Variants in KIAA1549L observed in about 807,000 individuals in gnomAD.
KIAA1549L encodes UPF0606 protein KIAA1549L.
A neutral mutation model predicts 160.7 loss-of-function variants in KIAA1549L; 88 were observed. That is an observed-to-expected ratio of 0.55 (90% confidence interval 0.46 to 0.65). The LOEUF is 0.65. KIAA1549L is among the 30% of genes least tolerant of loss of function. The pLI is 0.00. For synonymous variants in KIAA1549L, 950 were observed against 976.7 expected, an observed-to-expected ratio of 0.97 and a Z score of 0.51; for missense variants, 2,258 against 2,437.5, an observed-to-expected ratio of 0.93 and a Z score of 1.55.
intron 1 of KIAA1549L, among the ~76,000 whole-genome samples, chr11:33,431,419 G>GA (rs142078215): frequency 0.2 from 29,732 of 151,936 alleles, 3,158 homozygotes; most frequent in East Asian, 0.32. Flanking sequence ...CCCTGAGCTA[G>GA]ACACAAAGGT....
At chr11:33,558,553 G>C in intron 6 of KIAA1549L, among the ~76,000 whole-genome samples, 1 of 152,108 alleles carries the variant, frequency 6.6e-6, no homozygotes, top group East Asian at 1.9e-4. Flanking sequence ...GAGGGAGAAG[G>C]GAAGGCACGC....
chr11:33,554,597 C>T (rs1854583505), intron 6 of KIAA1549L, among the ~76,000 whole-genome samples: 1 of 152,322 alleles, frequency 6.6e-6, no homozygotes, highest in South Asian at 2.1e-4. Context: ...CCTTGTTGCT[C>T]ACAGTCTTGT....
intron 16 of KIAA1549L, among the ~76,000 whole-genome samples, chr11:33,627,979 T>C (rs920248908): frequency 1.2e-4 from 18 of 152,088 alleles, no homozygotes; most frequent in African/African-American, 4.3e-4. Flanking sequence ...GATTCTGGTA[T>C]GTTGTGTCTT....
intron 1 of KIAA1549L, among the ~76,000 whole-genome samples, chr11:33,441,235 A>G (rs911922634): frequency 5.3e-5 from 8 of 151,950 alleles, no homozygotes; most frequent in Non-Finnish European, 1.0e-4. Context: ...CCATGTCCCT[A>G]CAAAGGACAT....
intron 1 of KIAA1549L, among the ~76,000 whole-genome samples, chr11:33,422,274 A>C (rs1851028692): frequency 6.6e-6 from 1 of 152,204 alleles, no homozygotes; most frequent in Non-Finnish European, 1.5e-5. Context: ...TCCAAGGCAC[A>C]CATGTGATAA....
Position 33,618,646 on chromosome 11 carries a change from G to A in KIAA1549L, c.5393G>A (p.Arg1798His), listed in dbSNP as rs766396904. Residue 1798 changes from arginine to histidine, a missense_variant, in exon 16 of 21, where the codon CGC becomes CAC. By Grantham distance (29) the Arg-to-His change is conservative. Around this residue, in one of 6 missense-constraint regions of KIAA1549L, gnomAD observed 1,359 missense variants for 1,546.6 expected, o/e 0.88. Transcript: ENST00000658780. The stretch of plus-strand genomic sequence containing the variant: ...CGGGAGCGACCCCGGCGTGGAATCC[G>A]CAACAGCGGATACGATGTGAGTCTC... ...VTRERPRRGI[R>H]NSGYDTEPEI... 6.3e-6 allele frequency: 10 copies of A among 1,594,774 alleles called. No individual in the cohort carries two copies. Among genetic ancestry groups the A allele is most frequent in the Admixed American group, 1.7e-5 (1 of 57,224 alleles).
intron 1 of KIAA1549L, among the ~76,000 whole-genome samples, chr11:33,497,854 G>GC: frequency 6.6e-6 from 1 of 152,304 alleles, no homozygotes; most frequent in East Asian, 1.9e-4. Flanking sequence ...AACAGCTCTT[G>GC]CACTACATGC....
chr11:33,506,594 T>TAA (rs2133097599), intron 1 of KIAA1549L, among the ~76,000 whole-genome samples: 1 of 151,936 alleles, frequency 6.6e-6, no homozygotes, highest in East Asian at 2.0e-4. Flanking sequence ...TGGTGGCATT[T>TAA]AGTCCTAGCT....
chr11:33,621,408 G>C (rs550979848), intron 16 of KIAA1549L, among the ~76,000 whole-genome samples: 3 of 152,284 alleles, frequency 2.0e-5, no homozygotes, highest in African/African-American at 7.2e-5. Context: ...TCACTTGGTA[G>C]TAATATTCTA....
chr11:33,429,510 C>T (rs1565132721), intron 1 of KIAA1549L, among the ~76,000 whole-genome samples: 2 of 152,258 alleles, frequency 1.3e-5, no homozygotes, highest in Middle Eastern at 3.4e-3. Context: ...GGTCCATTTT[C>T]GGTCCTCAAT....
At chr11:33,456,527 C>T (rs1851825391) in intron 1 of KIAA1549L, among the ~76,000 whole-genome samples, 1 of 152,204 alleles carries the variant, frequency 6.6e-6, no homozygotes, top group Admixed American at 6.5e-5. Flanking sequence ...CCTCTCACCT[C>T]AGCCTCCCTA....
chr11:33,416,538 T>A (rs1850893044), intron 1 of KIAA1549L, among the ~76,000 whole-genome samples: 1 of 152,112 alleles, frequency 6.6e-6, no homozygotes, highest in Non-Finnish European at 1.5e-5. Flanking sequence ...TTACATAGCA[T>A]TTACATTTCA....
intron 1 of KIAA1549L, among the ~76,000 whole-genome samples, chr11:33,475,213 A>T (rs1286354274): frequency 1.3e-5 from 2 of 152,062 alleles, no homozygotes; most frequent in African/African-American, 4.8e-5. Flanking sequence ...TAGAAGCTGG[A>T]GGTAGTTTTG....
intron 1 of KIAA1549L, among the ~76,000 whole-genome samples, chr11:33,384,796 A>T (rs1403027249): frequency 6.6e-6 from 1 of 152,120 alleles, no homozygotes; most frequent in Non-Finnish European, 1.5e-5. Context: ...CCATTTAAAA[A>T]TTGGATTGTT....
At chr11:33,487,818 G>A (rs548763163) in intron 1 of KIAA1549L, among the ~76,000 whole-genome samples, 1 of 152,258 alleles carries the variant, frequency 6.6e-6, no homozygotes, top group Non-Finnish European at 1.5e-5. Context: ...AGGTATGTTA[G>A]GATTCACAGT....
intron 16 of KIAA1549L, among the ~76,000 whole-genome samples, chr11:33,625,625 AT>A (rs987075690): frequency 5.9e-5 from 9 of 151,392 alleles, no homozygotes; most frequent in African/African-American, 2.2e-4. Context: ...TTTCTTGTAA[AT>A]TTGTTGAGTT....
At chr11:33,464,366 A>G (rs1171507509) in intron 1 of KIAA1549L, among the ~76,000 whole-genome samples, 1 of 152,174 alleles carries the variant, frequency 6.6e-6, no homozygotes, top group Non-Finnish European at 1.5e-5. Flanking sequence ...AGCCCCTAAG[A>G]TAGAAAGATG....
chr11:33,560,805 A>G (rs1284909170), intron 7 of KIAA1549L, among the ~76,000 whole-genome samples: 2 of 152,208 alleles, frequency 1.3e-5, no homozygotes, highest in African/African-American at 2.4e-5. Flanking sequence ...ATACGCGTGA[A>G]TGTACTTAGC....
chr11:33,448,705 G>T (rs1851664866), intron 1 of KIAA1549L, among the ~76,000 whole-genome samples: 1 of 152,134 alleles, frequency 6.6e-6, no homozygotes, highest in Non-Finnish European at 1.5e-5. Context: ...ACCTCTGCTT[G>T]TCTGCTTTTT....
Sources: gnomAD v4.1 joint callset for allele counts (sites outside exome capture counted in the v4.1 genomes callset) on GRCh38, gnomAD v4.1.1 for gene constraint, gnomAD v4.1.1 regional missense constraint, MANE v1.5 for transcripts, NCBI Gene and HGNC (gene_info 2026-07-23, HGNC 2026-07-21) for gene names.